Variants in RPL9 observed in about 807,000 individuals in gnomAD.
RPL9 encodes ribosomal protein L9, also known as large ribosomal subunit protein uL6.
For synonymous variants in RPL9, 82 were observed against 77.1 expected (o/e 1.06, Z -0.33); for missense variants, 149 against 236.7 (o/e 0.63, Z 2.43).
chr4:39,454,460 T>C lies in RPL9; in HGVS notation c.*10+73A>G, dbSNP rs993850254. ...ATTTTCTATTACTACAAATTCAGTTTAAGTCTTTTAGTAAATTAAGAGCTT... is the reference window on the plus strand; with the variant it reads ...ATTTTCTATTACTACAAATTCAGTTCAAGTCTTTTAGTAAATTAAGAGCTT... On this transcript the variant is annotated intron_variant, in intron 7 of 7. Transcript: ENST00000295955. 3.4e-5 allele frequency: 38 copies of C among 1,118,464 alleles called. No homozygotes were observed. In the African/African-American group the frequency reaches 5.7e-4, roughly 17 times the overall value. The allele number at this position is 1,118,464 out of a possible 1,614,324, so 69.3% of individuals were successfully genotyped here.
Position 39,458,286 on chromosome 4 carries a change from T to C in RPL9, c.70A>G (p.Thr24Ala), listed in dbSNP as rs745597281. Residue 24 changes from threonine to alanine, a missense_variant, in exon 3 of 8, where the codon ACA becomes GCA. By Grantham distance (58) the Thr-to-Ala change is moderately conservative (BLOSUM62 0). Transcript: ENST00000295955. Reference sequence around the variant, plus strand: ...CCTCTGGGGCCCTTCACGATAACTGTGCGTCCCTTCAGAGTAATGTCGACT... The same window carrying C: ...CCTCTGGGGCCCTTCACGATAACTGCGCGTCCCTTCAGAGTAATGTCGACT... ...ENVDITLKGR[T>A]VIVKGPRGTL... 1.9e-6 allele frequency: 3 copies of C among 1,614,050 alleles called. No individual in the cohort carries two copies. Among genetic ancestry groups the C allele is most frequent in the African/African-American group, 1.3e-5 (1 of 74,896 alleles).
chr4:39,458,823 C>G, intron 1 of RPL9, 68 bp downstream of exon 1: 2 of 689,786 alleles, frequency 2.9e-6, no homozygotes, highest in Non-Finnish European at 5.3e-6. Context: ...GGGAGCCGCG[C>G]CGCAGCCTTT....
At chr4:39,454,979 T>C (rs375542091) in intron 5 of RPL9, 35 bp from the exon 6 acceptor site, 1 of 1,567,938 alleles carries the variant, frequency 6.4e-7, no homozygotes, top group African/African-American at 1.4e-5. Context: ...CAGCATCAAA[T>C]CTGTGTAAAA....
intron 5 of RPL9, 68 bp downstream of exon 5, chr4:39,456,338 G>C (rs1744084311): frequency 6.4e-7 from 1 of 1,554,672 alleles, no homozygotes; most frequent in Admixed American, 1.7e-5. Context: ...ATGGAAGTTG[G>C]GAGTGGAAAA....
In RPL9 at chr4:39,458,912, A is replaced by C. The variant is rs1270585880; in HGVS notation, c.-23T>G. The C allele has an allele frequency of 1.4e-6, 1 of 711,536 alleles. No homozygotes were observed. Among genetic ancestry groups the C allele is most frequent in the Non-Finnish European group, 2.6e-6 (1 of 391,626 alleles). 44.1% of individuals were successfully genotyped at this position (711,536 alleles called of 1,614,324 possible). A position where few individuals can be genotyped will look rare whatever the true frequency, so the allele number is the denominator to read the frequency against. On this transcript the variant is annotated 5_prime_UTR_variant, in exon 1 of 8. Transcript: ENST00000295955. The stretch of plus-strand genomic sequence containing the variant: ...TTACCTCGCAGTAGACGCAGCAAAG[A>C]AAGAACGTCTGTCGTCATTACGTAC...
chr4:39,457,507 A>G, intron 4 of RPL9, 79 bp downstream of exon 4: 1 of 1,197,598 alleles, frequency 8.4e-7, no homozygotes, highest in Non-Finnish European at 1.2e-6. Flanking sequence ...ATTCTCTGAA[A>G]GAGACACTTA....
Position 39,455,071 on chromosome 4 carries a change from C to T in RPL9, c.392-127G>A, listed in dbSNP as rs550664642. ...GAACCTTTTCTTAAGATTTTGAGGC[C>T]GGGCACAGTGGCTCACGCCTGTAAT... On this transcript the variant is annotated intron_variant, in intron 5 of 7. Transcript: ENST00000295955. The T allele has an allele frequency of 1.5e-4, 139 of 951,948 alleles. 2 individuals carry two copies. Among genetic ancestry groups the T allele is most frequent in the East Asian group, 8.2e-5 (3 of 36,700 alleles). The allele number at this position is 951,948 out of a possible 1,614,324, so 59.0% of individuals were successfully genotyped here.
At chr4:39,458,522 T>C (rs2109860616) in intron 1 of RPL9, 82 bp from the exon 2 acceptor site, 1 of 1,445,416 alleles carries the variant, frequency 6.9e-7, no homozygotes, top group Non-Finnish European at 9.6e-7. Context: ...CCACTCCTAC[T>C]GGAGACTGCC....
At chr4:39,458,354 G>A (rs982392349) in intron 2 of RPL9, 40 bp downstream of exon 2, 11 of 1,613,530 alleles carry the variant, frequency 6.8e-6, no homozygotes, top group East Asian at 4.5e-5. Flanking sequence ...CGCTTGGAAC[G>A]TGCAGTAAAG....
At chr4:39,455,017 T>A in intron 5 of RPL9, 73 bp from the exon 6 acceptor site, 2 of 1,413,642 alleles carry the variant, frequency 1.4e-6, no homozygotes, top group Non-Finnish European at 2.0e-6. Flanking sequence ...GGCACTAATT[T>A]ATTCCATGTA....
At chr4:39,456,326 G>A (rs1051197011) in intron 5 of RPL9, 80 bp downstream of exon 5, 2 of 1,475,566 alleles carry the variant, frequency 1.4e-6, no homozygotes, top group Admixed American at 1.7e-5. Flanking sequence ...GCCAACTAAA[G>A]TATGGAAGTT....
Position 39,458,872 on chromosome 4 carries a change from A to G in RPL9, c.-2+19T>C. On this transcript the variant is annotated intron_variant, in intron 1 of 7. Transcript: ENST00000295955. ...GTTTCAGATTCCCAGTACCCCCACG[A>G]GCACAGAAACATCCTTACCTCGCAG... is the stretch of plus-strand genomic sequence containing the variant. 1 of 699,714 alleles carries G rather than the reference A, an allele frequency of 1.4e-6. No individual in the cohort carries two copies. Among genetic ancestry groups the G allele is most frequent in the Admixed American group, 2.0e-5 (1 of 49,904 alleles). 43.3% of individuals were successfully genotyped at this position (699,714 alleles called of 1,614,324 possible).
At chr4:39,456,656 T>C in intron 4 of RPL9, 118 bp from the exon 5 acceptor site, 4 of 1,114,440 alleles carry the variant, frequency 3.6e-6, no homozygotes, top group Non-Finnish European at 5.1e-6. Context: ...CAAGATTTTC[T>C]AATAACTGTC....
chr4:39,456,769 G>A (rs1019258334), intron 4 of RPL9: 4 of 482,130 alleles, frequency 8.3e-6, no homozygotes, highest in African/African-American at 3.9e-5. Context: ...AATGAACAAT[G>A]CTGCCTTCTT....
At chr4:39,457,409 C>A in intron 4 of RPL9, 177 bp downstream of exon 4, 1 of 553,718 alleles carries the variant, frequency 1.8e-6, no homozygotes. Context: ...CCCATCTGGT[C>A]TTTGCTCTCA....
rs1244913645 is a variant in RPL9 at position 39,458,272 on chromosome 4, C to T, written c.84G>A (p.Lys28=). ...CCCTCCGCAGGGTTCCTCTGGGGCC[C>T]TTCACGATAACTGTGCGTCCCTTCA... ...ITLKGRTVIV[K]GPRGTLRRDF... is the part of the protein sequence containing the mutation. Residue 28 remains lysine (K), a synonymous_variant, in exon 3 of 8, where the codon AAG becomes AAA. Transcript: ENST00000295955. 6.8e-6 allele frequency: 11 copies of T among 1,614,046 alleles called. No individual in the cohort carries two copies. The highest frequency in any genetic ancestry group is 1.6e-4 in the Middle Eastern group (1 of 6,084).
intron 3 of RPL9, chr4:39,457,922 A>AT (rs1474580505): frequency 1.1e-5 from 7 of 625,972 alleles, no homozygotes; most frequent in Non-Finnish European, 2.0e-5. Context: ...GGTTCCTGTG[A>AT]TTTTTACAAA....
intron 5 of RPL9, chr4:39,455,184 T>G: frequency 2.8e-6 from 1 of 362,774 alleles, no homozygotes; most frequent in Non-Finnish European, 5.0e-6. Flanking sequence ...CCATCTCTAG[T>G]AAAAATACAA....
intron 4 of RPL9, chr4:39,457,362 A>AAC (rs1184467032): frequency 7.3e-6 from 3 of 408,660 alleles, no homozygotes; most frequent in East Asian, 4.2e-5. Context: ...TTAAAAAAAA[A>AAC]AAAAACCCAA....
Sources: allele counts gnomAD v4.1 joint callset, GRCh38; gene constraint gnomAD v4.1.1; transcripts MANE v1.5; gene names NCBI Gene and HGNC (gene_info 2026-07-23, HGNC 2026-07-21).